The following NLRC5 variants were observed in gnomAD, a reference collection of about 807,000 sequenced individuals.
NLRC5 encodes the protein protein NLRC5.
NLRC5 carries 114 observed loss-of-function variants against 206.9 expected under a neutral mutation model. That is an observed-to-expected ratio of 0.55 (90% CI 0.47 to 0.64). The LOEUF is 0.64. NLRC5 is among the 30% of genes least tolerant of loss of function. The pLI, the probability that NLRC5 is intolerant of heterozygous loss-of-function variation, is 0.00. For missense variants in NLRC5, 2,008 were observed against 2,305.5 expected (o/e 0.87, Z 2.64); for synonymous variants, 952 against 962.8 (o/e 0.99, Z 0.21).
chr16:57,082,139 A>G (rs1333591332), intron 48 of NLRC5, among the ~76,000 whole-genome samples: 3 of 152,240 alleles, frequency 2.0e-5, no homozygotes, highest in Non-Finnish European at 4.4e-5. Flanking sequence ...AAACATCTTG[A>G]AGAAAGAGGG....
rs1163999311 is a variant in NLRC5 at position 57,083,094 on chromosome 16, G to A, written c.*566G>A. The A allele has an allele frequency of 6.6e-6, 1 of 152,388 alleles. No individual in the cohort carries two copies. The highest frequency in any genetic ancestry group is 1.5e-5 in the Non-Finnish European group (1 of 68,158). The allele number at this position is 152,388 out of a possible 1,614,324, so 9.4% of individuals were successfully genotyped here. A position where few individuals can be genotyped will look rare whatever the true frequency, so the allele number is the denominator to read the frequency against. On this transcript the variant is annotated 3_prime_UTR_variant, in exon 49 of 49. Transcript: ENST00000688547. ...GAAAAGTCTTCCGCCCGAGCTGGGA[G>A]GGGAGAGTGTCCATGCACTGACCAG... is the stretch of plus-strand genomic sequence containing the variant.
intron 27 of NLRC5, among the ~76,000 whole-genome samples, chr16:57,055,874 C>T (rs73546877): frequency 0.048 from 7,310 of 152,224 alleles, 215 homozygotes; most frequent in Middle Eastern, 0.088. Context: ...TGAGGAGGGA[C>T]GCAGAGCCAG....
At chr16:57,051,345 C>A (rs1427563497) in intron 23 of NLRC5, among the ~76,000 whole-genome samples, 193 bp from the exon 24 acceptor site, 1 of 152,216 alleles carries the variant, frequency 6.6e-6, no homozygotes, top group Non-Finnish European at 1.5e-5. Context: ...TTTGGCTTAA[C>A]CCCGTATTTC....
chr16:57,078,390 C>T (rs1453889332), intron 43 of NLRC5, among the ~76,000 whole-genome samples: 5 of 151,738 alleles, frequency 3.3e-5, no homozygotes, highest in African/African-American at 4.8e-5. Context: ...TGCCAATCAA[C>T]GTGGCCTCAG....
chr16:57,065,858 T>G (rs563671368), intron 33 of NLRC5, among the ~76,000 whole-genome samples: 126 of 152,346 alleles, frequency 8.3e-4, no homozygotes, highest in Non-Finnish European at 1.6e-3. Context: ...CCACACAGCC[T>G]GCCCTGCTTC....
At chr16:57,015,597 A>AGT (rs2059969971) in intron 1 of NLRC5, among the ~76,000 whole-genome samples, 3 of 36,426 alleles carry the variant, frequency 8.2e-5, no homozygotes, top group African/African-American at 2.7e-4. Context: ...TAAAAAAATA[A>AGT]ATAAATAAAT....
intron 33 of NLRC5, among the ~76,000 whole-genome samples, chr16:57,066,325 A>C (rs907851714): frequency 3.3e-5 from 5 of 151,898 alleles, no homozygotes; most frequent in Non-Finnish European, 7.4e-5. Flanking sequence ...AAAAAAAAGA[A>C]AGAGAAAAAT....
chr16:57,042,104 A>AG (rs759400427), intron 19 of NLRC5, 39 bp downstream of exon 19: 62 of 1,334,074 alleles, frequency 4.6e-5, no homozygotes, highest in South Asian at 1.4e-4. Context: ...AGGCTGGGGC[A>AG]GGGGGGGAGC....
Position 57,033,642 on chromosome 16 carries a change from G to A in NLRC5, c.2516G>A (p.Gly839Glu). ...DLQESDGQRK[G>E]AQSRSLTLRL... ...CAGGAAAGTGACGGCCAGAGGAAAG[G>A]GGCTCAGAGCAGAAGCTTGACGCTC... is the stretch of plus-strand genomic sequence containing the variant. Residue 839 changes from glycine to glutamate, a missense_variant, in exon 12 of 49, where the codon GGG becomes GAG. By Grantham distance (98) the Gly-to-Glu change is moderately conservative (BLOSUM62 -2). Coordinates refer to ENST00000688547, the MANE Select transcript of NLRC5 (RefSeq NM_001384950.1). 1 of 1,614,116 alleles carries A rather than the reference G, an allele frequency of 6.2e-7. No homozygotes were observed. The highest frequency in any genetic ancestry group is 8.5e-7 in the Non-Finnish European group (1 of 1,180,002).
chr16:57,046,487 ATGGGC>A, intron 21 of NLRC5, 60 bp from the exon 22 acceptor site: 1 of 1,349,684 alleles, frequency 7.4e-7, no homozygotes, highest in Non-Finnish European at 1.1e-6. Flanking sequence ...CTAGGGGTAT[ATGGGC>A]TGGGCTGGGA....
chr16:57,067,299 C>A (rs1754411577), intron 34 of NLRC5, 88 bp from the exon 35 acceptor site: 2 of 1,052,802 alleles, frequency 1.9e-6, no homozygotes, highest in Non-Finnish European at 1.5e-6. Context: ...TTATTTACCC[C>A]TACACCATAA....
At chr16:57,065,566 A>C (rs1480813534) in intron 33 of NLRC5, among the ~76,000 whole-genome samples, 1 of 152,208 alleles carries the variant, frequency 6.6e-6, no homozygotes, top group African/African-American at 2.4e-5. Flanking sequence ...CTGGGAGTCC[A>C]CGCTGGTTGC....
chr16:57,038,756 G>T (rs1454126196), intron 15 of NLRC5, among the ~76,000 whole-genome samples: 1 of 151,868 alleles, frequency 6.6e-6, no homozygotes, highest in Non-Finnish European at 1.5e-5. Flanking sequence ...CCAATAGGAT[G>T]AAACCCCGTC....
At position 57,026,927 on chromosome 16, in the gene NLRC5, G is replaced by C; in HGVS notation, c.1984G>C (p.Glu662Gln). 1 of 1,614,138 alleles carries C rather than the reference G, an allele frequency of 6.2e-7. No homozygotes were observed. Among genetic ancestry groups the C allele is most frequent in the Non-Finnish European group, 8.5e-7 (1 of 1,180,022 alleles). ...CCTGACCAACATCCTAGAGCACAGGGAGGCCCCCATCCACCTGGATTTTGA... is the reference window on the plus strand; with the variant it reads ...CCTGACCAACATCCTAGAGCACAGGCAGGCCCCCATCCACCTGGATTTTGA... ...ATLTNILEHR[E>Q]APIHLDFDGC... Residue 662 changes from glutamate (E) to glutamine (Q), a missense_variant, in exon 6 of 49, where the codon GAG (glutamate) becomes CAG (glutamine). Transcript: ENST00000688547.
intron 32 of NLRC5, among the ~76,000 whole-genome samples, chr16:57,063,157 G>A (rs1381115454): frequency 1.4e-5 from 2 of 143,938 alleles, no homozygotes; most frequent in African/African-American, 5.2e-5. Context: ...TTGTCACCTG[G>A]GCTGGAGTGC....
At chr16:57,073,675 C>A (rs1409758382) in intron 38 of NLRC5, among the ~76,000 whole-genome samples, 1 of 152,202 alleles carries the variant, frequency 6.6e-6, no homozygotes, top group African/African-American at 2.4e-5. Context: ...CTCACTGCAA[C>A]CTCCGCCTCC....
chr16:57,013,146 A>T, intron 1 of NLRC5: 1 of 349,240 alleles, frequency 2.9e-6, no homozygotes, highest in Non-Finnish European at 5.6e-6. Context: ...CAAAATCTTC[A>T]TAGGATTTAG....
In NLRC5 at chr16:57,059,483, A is replaced by C. The variant is rs769161942; in HGVS notation, c.3937A>C (p.Ser1313Arg). 6.2e-7 allele frequency: 1 copy of C among 1,610,912 alleles called. No individual in the cohort carries two copies. Among genetic ancestry groups the C allele is most frequent in the Non-Finnish European group, 8.5e-7 (1 of 1,178,636 alleles). Reference protein sequence around the residue: ...EASVNLGSEQSFRIHFSREDQ... With the variant: ...EASVNLGSEQRFRIHFSREDQ... ...TCTCTGCAGCCTGGGCTCTGAGCAG[A>C]GCTTCCGGATTCACTTCTCCAGAGA... Residue 1313 changes from serine (S) to arginine (R), a missense_variant, in exon 30 of 49, where the codon AGC becomes CGC. By Grantham distance (110) the Ser-to-Arg change is moderately radical. Transcript: ENST00000688547.
Position 57,081,148 on chromosome 16 carries a change from T to G in NLRC5, c.5372T>G (p.Val1791Gly). 6.5e-7 allele frequency: 1 copy of G among 1,545,044 alleles called. No homozygotes were observed. The highest frequency in any genetic ancestry group is 1.2e-5 in the South Asian group (1 of 84,216). ...GAGGCAGCTGCCGAGCTGGCCCAGG[T>G]GCTGCCGCAGATGGGCCGGCTGAAG... ...GDEAAAELAQ[V>G]LPQMGRLKRV... Residue 1791 changes from valine to glycine, a missense_variant, in exon 47 of 49, where the codon GTG becomes GGG. By Grantham distance (109) the Val-to-Gly change is moderately radical (BLOSUM62 -3). Transcript: ENST00000688547.
Sources: allele counts gnomAD v4.1 joint callset (sites outside exome capture counted in the v4.1 genomes callset), GRCh38; gene constraint gnomAD v4.1.1; transcripts MANE v1.5; gene names NCBI Gene and HGNC (gene_info 2026-07-23, HGNC 2026-07-21).